Variants in WDR17 observed in about 807,000 individuals in gnomAD.
WDR17 encodes WD repeat domain 17.
Under a neutral mutation model 161.7 loss-of-function variants are expected in WDR17, and 143 were observed. The observed-to-expected ratio is 0.88, with a 90% confidence interval of 0.77 to 1.02. The LOEUF is 1.02. WDR17 is among the 50% of genes least tolerant of loss of function. WDR17 has a pLI of 0.00. For missense variants in WDR17, 1,469 were observed against 1,520.9 expected (o/e 0.97, Z 0.57); for synonymous variants, 517 against 515.6 (o/e 1.00, Z -0.04).
rs117800294 is a variant in WDR17 at position 176,093,641 on chromosome 4, C to T, written c.-6-17934C>T. 1.4e-3 allele frequency among the ~76,000 whole-genome samples: 207 copies of T among 152,060 alleles called. 3 individuals carry two copies. The East Asian group carries it at 0.037, about 27-fold the overall frequency. ...ATTCATGGACATAGATACAGGGATG[C>T]GAAGATGTGTAATAAATTTCCTCAA... On this transcript the variant is annotated intron_variant, in intron 1 of 28. Transcript: ENST00000508596.
In WDR17 at chr4:176,131,534, T is replaced by A. The variant is rs1743450438; in HGVS notation, c.914-20T>A. ...CTCTGTGGTTTCATTCCAATAGGAT[T>A]TTTTTTCTTCTATTTTTAGTTTCAG... On this transcript the variant is annotated intron_variant, in intron 6 of 28. Transcript: ENST00000508596. The A allele has an allele frequency of 1.3e-6, 2 of 1,585,682 alleles. No homozygotes were observed. Among genetic ancestry groups the A allele is most frequent in the African/African-American group, 1.4e-5 (1 of 73,114 alleles).
intron 12 of WDR17, 138 bp downstream of exon 12, chr4:176,146,297 G>A (rs1746155617): frequency 1.1e-6 from 1 of 874,358 alleles, no homozygotes; most frequent in African/African-American, 1.7e-5. Context: ...GCAGTGGCGT[G>A]ATCGTGGTTT....
At chr4:176,150,953 T>G (rs1747016098) in intron 16 of WDR17, among the ~76,000 whole-genome samples, 1 of 152,220 alleles carries the variant, frequency 6.6e-6, no homozygotes, top group Non-Finnish European at 1.5e-5. Flanking sequence ...AATGATCATA[T>G]TATAGCTCTT....
intron 17 of WDR17, among the ~76,000 whole-genome samples, chr4:176,155,823 A>G (rs1195952263): frequency 6.6e-6 from 1 of 150,762 alleles, no homozygotes; most frequent in Non-Finnish European, 1.5e-5. Context: ...TCAGCCTCCC[A>G]AAGCACTGGC....
At position 176,097,837 on chromosome 4, in the gene WDR17, A is replaced by C. The variant is rs1165073939; in HGVS notation, c.-6-13738A>C. Among the ~76,000 whole-genome samples, 64 of 151,772 alleles carry C rather than the reference A, an allele frequency of 4.2e-4. 3 individuals carry two copies. The Admixed American group carries it at 4.2e-3, about 10-fold the overall frequency. On this transcript the variant is annotated intron_variant, in intron 1 of 28. Coordinates refer to ENST00000508596, the MANE Select transcript of WDR17 (RefSeq NM_181265.4). ...CTGATTTTAAGAAAAATGCTTTTTA[A>C]TGAAATGTGTTTCCTTTAAAATGAC...
intron 1 of WDR17, 148 bp downstream of exon 1, chr4:176,066,227 C>A (rs1199030511): frequency 6.6e-6 from 1 of 152,244 alleles, no homozygotes; most frequent in Non-Finnish European, 1.5e-5. Flanking sequence ...GGGCTTTGCA[C>A]ACCATGGTGC....
At chr4:176,084,793 A>ATATG (rs1429650607) in intron 1 of WDR17, among the ~76,000 whole-genome samples, 1 of 147,476 alleles carries the variant, frequency 6.8e-6, no homozygotes, top group African/African-American at 2.5e-5. Flanking sequence ...TATAAAATAT[A>ATATG]TATATATATA....
intron 5 of WDR17, among the ~76,000 whole-genome samples, chr4:176,125,719 G>A (rs1216420908): frequency 1.3e-5 from 2 of 152,272 alleles, no homozygotes; most frequent in East Asian, 3.9e-4. Context: ...TACCTGATGG[G>A]AGCTTTATTA....
At chr4:176,096,507 GT>G in intron 1 of WDR17, 1 of 1,598,676 alleles carries the variant, frequency 6.3e-7, no homozygotes. Flanking sequence ...CTTGATTAAA[GT>G]AGAAACATTC....
chr4:176,126,575 C>G (rs959356201), intron 5 of WDR17, among the ~76,000 whole-genome samples: 3 of 152,076 alleles, frequency 2.0e-5, no homozygotes, highest in African/African-American at 7.2e-5. Flanking sequence ...GAAAAAAATT[C>G]CACAAAATTT....
rs1746957523 is a variant in WDR17, at chr4:176,150,586, T to G, written c.2297T>G (p.Phe766Cys). The G allele has an allele frequency of 6.3e-7, 1 of 1,597,366 alleles. No individual in the cohort carries two copies. ...ATGCACTTGAAACATCTGATTAAAT[T>G]TAGAACAGTGAGTAAAATATGCAAA... is the stretch of plus-strand genomic sequence containing the variant. The part of the protein sequence containing the change: ...GIMHLKHLIK[F>C]RTSEAQELTT... Residue 766 changes from phenylalanine to cysteine, a missense_variant, in exon 16 of 29, where the codon TTT (phenylalanine) becomes TGT (cysteine). Coordinates refer to ENST00000508596, the MANE Select transcript of WDR17 (RefSeq NM_181265.4).
At chr4:176,117,407 G>A (rs553460557) in intron 3 of WDR17, among the ~76,000 whole-genome samples, 206 of 151,976 alleles carry the variant, frequency 1.4e-3, no homozygotes, top group Non-Finnish European at 2.7e-3. Context: ...TTTCCATATT[G>A]TATGTGCCAT....
rs1748982609 is a variant in WDR17, at chr4:176,161,134, A to T, written c.2750+132A>T. On this transcript the variant is annotated intron_variant, in intron 20 of 28. Transcript: ENST00000508596. ...TGCCTCAACCGCATTCCTCACCATG[A>T]TCCAGTTCCATACAGCATTTACTCC... The T allele has an allele frequency of 7.2e-5, 42 of 584,052 alleles. 2 individuals are homozygous for T. The South Asian group carries it at 1.4e-3, about 20-fold the overall frequency. 36.2% of individuals were successfully genotyped at this position (584,052 alleles called of 1,614,324 possible).
chr4:176,072,729 AT>A (rs1349000345), intron 1 of WDR17, among the ~76,000 whole-genome samples: 1 of 152,192 alleles, frequency 6.6e-6, no homozygotes. Context: ...CACATAGTAT[AT>A]TTACACTTTA....
intron 22 of WDR17, among the ~76,000 whole-genome samples, chr4:176,164,225 G>A (rs929992194): frequency 5.9e-5 from 9 of 152,284 alleles, no homozygotes; most frequent in East Asian, 1.9e-4. Context: ...TCCTGAGGTC[G>A]CAGTAAGTGG....
chr4:176,096,759 G>A (rs2126645151), intron 1 of WDR17, among the ~76,000 whole-genome samples: 1 of 151,606 alleles, frequency 6.6e-6, no homozygotes, highest in South Asian at 2.1e-4. Context: ...ATATAATAAG[G>A]GTAATTATAT....
intron 10 of WDR17, among the ~76,000 whole-genome samples, chr4:176,140,752 G>A (rs1373725406): frequency 6.6e-6 from 1 of 152,042 alleles, no homozygotes; most frequent in East Asian, 1.9e-4. Context: ...AAAGACAGTA[G>A]TTATGGAAAC....
chr4:176,133,408 G>C (rs1249879038), intron 7 of WDR17, among the ~76,000 whole-genome samples: 5 of 131,918 alleles, frequency 3.8e-5, no homozygotes, highest in African/African-American at 1.4e-4. Flanking sequence ...AAAAAAAGTT[G>C]TGTTAGTAGA....
At chr4:176,147,801 A>G (rs561646710) in intron 12 of WDR17, among the ~76,000 whole-genome samples, 26 of 152,280 alleles carry the variant, frequency 1.7e-4, no homozygotes, top group African/African-American at 6.0e-4. Flanking sequence ...ACCAGTAATG[A>G]GTAAAAGTCA....
Sources: gnomAD v4.1 joint callset for allele counts (sites outside exome capture counted in the v4.1 genomes callset) on GRCh38, gnomAD v4.1.1 for gene constraint, MANE v1.5 for transcripts, NCBI Gene and HGNC (gene_info 2026-07-23, HGNC 2026-07-21) for gene names.